The following PDZD7 variants were observed in gnomAD, a reference collection of about 807,000 sequenced individuals.
PDZD7 encodes the protein PDZ domain containing 7, also known as PDZ domain-containing protein 7.
Under a neutral mutation model 84.7 loss-of-function variants are expected in PDZD7, and 72 were observed. That is an observed-to-expected ratio of 0.85 (90% confidence interval 0.70 to 1.03). PDZD7 has a LOEUF of 1.03. Among genes scored for constraint, PDZD7 ranks in the 50% least tolerant of loss-of-function variants. The pLI, the probability that PDZD7 is intolerant of heterozygous loss-of-function variation, is 0.00. For missense variants in PDZD7, 1,490 were observed against 1,412.9 expected, an observed-to-expected ratio of 1.05 and a Z score of -0.87; for synonymous variants, 594 against 580.7, an observed-to-expected ratio of 1.02 and a Z score of -0.33.
At position 101,023,530 on chromosome 10, in the gene PDZD7, C is replaced by T. The variant is rs770149702; in HGVS notation, c.448G>A (p.Val150Ile). The change falls in exon 4 of 17, where the codon GTA (valine) becomes ATA (isoleucine). Residue 150 changes from valine to isoleucine, a missense_variant. Transcript: ENST00000619208. Reference protein sequence around the residue: ...SLESTTMGSAVKVLTSSSRLH... With the variant: ...SLESTTMGSAIKVLTSSSRLH... ...CGGCTGCTGCTGGTCAGCACCTTTA[C>T]GGCGCTACCCATGGTGGTGCTCTCC... 44 of 1,613,974 alleles carry T rather than the reference C, an allele frequency of 2.7e-5. No individual in the cohort carries two copies. The highest frequency in any genetic ancestry group is 1.5e-4 in the South Asian group (14 of 91,092).
chr10:101,028,782 C>T (rs963829858), intron 2 of PDZD7, among the ~76,000 whole-genome samples: 22 of 152,190 alleles, frequency 1.4e-4, no homozygotes, highest in Middle Eastern at 3.2e-3. Flanking sequence ...TGTCTCCTAA[C>T]TCCTCTGGGG....
intron 1 of PDZD7, 39 bp from the exon 2 acceptor site, chr10:101,030,423 G>A: frequency 2.9e-6 from 2 of 683,276 alleles, no homozygotes; most frequent in East Asian, 2.7e-5. Flanking sequence ...GGGTGTAAAT[G>A]TTTCCCCTGC....
intron 9 of PDZD7, chr10:101,017,794 AAAAAGAAAG>A: frequency 2.1e-6 from 1 of 467,944 alleles, no homozygotes; most frequent in Middle Eastern, 5.9e-4. Flanking sequence ...CTCAAAAAAA[AAAAAGAAAG>A]AAAAAGAAAG....
chr10:101,015,359 T>G (rs1852568566), intron 11 of PDZD7, among the ~76,000 whole-genome samples: 1 of 152,222 alleles, frequency 6.6e-6, no homozygotes, highest in Non-Finnish European at 1.5e-5. Flanking sequence ...GTGTGTCTCC[T>G]GGGTTACCGT....
In PDZD7 at chr10:101,015,832, G is replaced by A. The variant is rs911095638; in HGVS notation, c.1574-21C>T. 63 of 1,538,346 alleles carry A rather than the reference G, an allele frequency of 4.1e-5. No individual in the cohort carries two copies. The African/African-American group carries it at 8.1e-4, about 20-fold the overall frequency. On this transcript the variant is annotated intron_variant, in intron 10 of 16. Transcript: ENST00000619208. ...CTGGTCTGCAGGGCAGGAACCATCAGGGGAGGGGAGAGGGGCTTCCCTCAG... is the reference window on the plus strand; with the variant it reads ...CTGGTCTGCAGGGCAGGAACCATCAAGGGAGGGGAGAGGGGCTTCCCTCAG...
chr10:101,015,512 T>C, intron 11 of PDZD7, 124 bp downstream of exon 11: 1 of 1,160,874 alleles, frequency 8.6e-7, no homozygotes, highest in South Asian at 1.6e-5. Context: ...ACTTCTGATT[T>C]TACTGACCAC....
intron 2 of PDZD7, among the ~76,000 whole-genome samples, chr10:101,024,853 G>C (rs933277800): frequency 4.0e-5 from 6 of 151,800 alleles, no homozygotes; most frequent in Non-Finnish European, 8.8e-5. Context: ...GTGTGTGTGT[G>C]TGTGTGTGTG....
At chr10:101,017,614 C>T (rs1211639233) in intron 9 of PDZD7, 1 of 701,470 alleles carries the variant, frequency 1.4e-6, no homozygotes, top group African/African-American at 1.8e-5. Context: ...AAACCCCCAT[C>T]TCTACAAAAA....
At position 101,018,939 on chromosome 10, in the gene PDZD7, G is replaced by T; in HGVS notation, c.1207C>A (p.His403Asn). The change falls in exon 8 of 17, where the codon CAT becomes AAT. Residue 403 changes from histidine (H) to asparagine (N), a missense_variant. His to Asn is a moderately conservative substitution (Grantham distance 68). Transcript: ENST00000619208. ...GCAGAGTCAAGGCGGCGGCCGGGAT[G>T]GGGGCCGTCCGAGCGGATGGCGGTG... is the stretch of plus-strand genomic sequence containing the variant. ...RDTAIRSDGP[H>N]PGRRLDSALS... The T allele has an allele frequency of 6.2e-7, 1 of 1,602,412 alleles. No individual in the cohort carries two copies. The highest frequency in any genetic ancestry group is 8.5e-7 in the Non-Finnish European group (1 of 1,175,290).
intron 9 of PDZD7, among the ~76,000 whole-genome samples, chr10:101,016,820 G>A (rs1852651494): frequency 6.6e-6 from 1 of 152,146 alleles, no homozygotes; most frequent in Non-Finnish European, 1.5e-5. Flanking sequence ...GCAGAGGGCA[G>A]GGACTTGGGA....
intron 11 of PDZD7, among the ~76,000 whole-genome samples, chr10:101,012,753 A>G (rs1564628850): frequency 6.6e-6 from 1 of 152,182 alleles, no homozygotes; most frequent in Non-Finnish European, 1.5e-5. Flanking sequence ...GAAGGAAGGA[A>G]TTTGAGCCAA....
rs1852283511 is a variant in PDZD7 at position 101,008,251 on chromosome 10, C to T, written c.*216G>A. On this transcript the variant is annotated 3_prime_UTR_variant, in exon 17 of 17. Transcript: ENST00000619208. ...GTTGGGGAGCAGTGAGTGCAGGTGA[C>T]ACAGGCTGCCCACTAGCACCTTGTC... The T allele has an allele frequency of 1.7e-6, 1 of 574,740 alleles. No homozygotes were observed. The highest frequency in any genetic ancestry group is 3.0e-6 in the Non-Finnish European group (1 of 334,488). 35.6% of individuals were successfully genotyped at this position (574,740 alleles called of 1,614,324 possible).
At chr10:101,011,594 AC>A (rs1347411946) in intron 14 of PDZD7, 95 bp downstream of exon 14, 6 of 1,499,352 alleles carry the variant, frequency 4.0e-6, no homozygotes, top group Middle Eastern at 1.7e-4. Flanking sequence ...GGAAGCCACA[AC>A]TGCCCCTAGT....
chr10:101,020,665 T>C lies in PDZD7; in HGVS notation c.881A>G (p.Tyr294Cys). ...AGAAACCATCTCCTTGTAGGCAGGA[T>C]ACCGGCCGGTCTCCTGGGGAGGGGA... ...IMLTIKETGR[Y>C]PAYKEMVSEY... Residue 294 changes from tyrosine (Y) to cysteine (C), a missense_variant, in exon 7 of 17, where the codon TAT becomes TGT. By Grantham distance (194) the Tyr-to-Cys change is radical. Coordinates refer to ENST00000619208, the MANE Select transcript of PDZD7 (RefSeq NM_001195263.2). 1 of 1,613,684 alleles carries C rather than the reference T, an allele frequency of 6.2e-7. No individual in the cohort carries two copies. Among genetic ancestry groups the C allele is most frequent in the Non-Finnish European group, 8.5e-7 (1 of 1,179,694 alleles).
intron 7 of PDZD7, among the ~76,000 whole-genome samples, chr10:101,019,542 G>GCCTCCTCCTCCTCCTCCTCCTCCTCCT (rs141118065): frequency 1.7e-4 from 15 of 89,308 alleles, no homozygotes; most frequent in South Asian, 8.8e-4. Flanking sequence ...TTCTGCTTCT[G>GCCTCCTCCTCCTCCTCCTCCTCCTCCT]CCTCCTCCTC....
chr10:101,018,696 G>C, intron 8 of PDZD7, 126 bp downstream of exon 8: 1 of 1,267,138 alleles, frequency 7.9e-7, no homozygotes, highest in Non-Finnish European at 1.1e-6. Context: ...GCAGCCTGGA[G>C]CTTGGGTTGG....
intron 3 of PDZD7, 100 bp downstream of exon 3, chr10:101,023,827 TG>T: frequency 6.3e-7 from 1 of 1,586,402 alleles, no homozygotes; most frequent in South Asian, 1.1e-5. Context: ...CCTCCAGAGC[TG>T]GGGACTCTTC....
At chr10:101,029,644 A>T (rs577752943) in intron 2 of PDZD7, among the ~76,000 whole-genome samples, 2 of 152,180 alleles carry the variant, frequency 1.3e-5, no homozygotes, top group Non-Finnish European at 2.9e-5. Flanking sequence ...CCAGAAGTAC[A>T]CACAATGGAT....
intron 2 of PDZD7, among the ~76,000 whole-genome samples, chr10:101,024,432 C>T (rs1312920941): frequency 1.4e-5 from 2 of 146,506 alleles, no homozygotes; most frequent in African/African-American, 2.7e-5. Context: ...TTTGTAGAGG[C>T]AGGGTCTCAC....
Sources: gnomAD v4.1 joint callset for allele counts (sites outside exome capture counted in the v4.1 genomes callset) on GRCh38, gnomAD v4.1.1 for gene constraint, MANE v1.5 for transcripts, NCBI Gene and HGNC (gene_info 2026-07-23, HGNC 2026-07-21) for gene names.